The following ROR2 variants were observed in gnomAD, a reference collection of about 807,000 sequenced individuals.
ROR2 encodes the protein ROR family WNT receptor 2.
A neutral mutation model predicts 74.9 loss-of-function variants in ROR2; 33 were observed. That is an observed-to-expected ratio of 0.44 (90% CI 0.33 to 0.59). The LOEUF is 0.59. Ranked by LOEUF, ROR2 falls within the 20% of genes least tolerant of loss-of-function variation. The probability of loss-of-function intolerance (pLI) is 0.02; values close to 1 mark genes in which losing one functional copy is unlikely to be tolerated. For missense variants in ROR2, 1,216 were observed against 1,313.8 expected (o/e 0.93, Z 1.15); for synonymous variants, 586 against 558.7 (o/e 1.05, Z -0.69).
chr9:91,759,329 A>G (rs1163646752), intron 2 of ROR2, among the ~76,000 whole-genome samples: 1 of 152,158 alleles, frequency 6.6e-6, no homozygotes, highest in Non-Finnish European at 1.5e-5. Flanking sequence ...ACTTATAATT[A>G]TTATTAACAT....
At chr9:91,802,074 T>G (rs939218021) in intron 1 of ROR2, among the ~76,000 whole-genome samples, 2 of 140,230 alleles carry the variant, frequency 1.4e-5, no homozygotes, top group Non-Finnish European at 3.0e-5. Context: ...GGTGTTTTTT[T>G]TTTTTTTTTT....
At chr9:91,914,106 A>G (rs1412569511) in intron 1 of ROR2, among the ~76,000 whole-genome samples, 1 of 152,148 alleles carries the variant, frequency 6.6e-6, no homozygotes, top group East Asian at 1.9e-4. Context: ...ACCGCTGCCA[A>G]GTGCCAATGC....
chr9:91,816,334 T>C (rs887103046), intron 1 of ROR2, among the ~76,000 whole-genome samples: 21 of 152,094 alleles, frequency 1.4e-4, no homozygotes, highest in African/African-American at 4.8e-4. Flanking sequence ...CCAAGGCGTT[T>C]CCACCTACCT....
chr9:91,947,420 A>G (rs1048888205), intron 1 of ROR2, among the ~76,000 whole-genome samples: 5 of 152,242 alleles, frequency 3.3e-5, no homozygotes, highest in African/African-American at 1.2e-4. Flanking sequence ...TGTGCTTGGT[A>G]CACAGCCGTA....
intron 1 of ROR2, among the ~76,000 whole-genome samples, chr9:91,801,868 G>A (rs906368922): frequency 1.3e-4 from 20 of 152,174 alleles, no homozygotes; most frequent in Non-Finnish European, 2.4e-4. Context: ...GCATGAGCTT[G>A]GCAAGGCAGG....
At chr9:91,851,699 G>A (rs1205857834) in intron 1 of ROR2, among the ~76,000 whole-genome samples, 1 of 151,910 alleles carries the variant, frequency 6.6e-6, no homozygotes, top group Admixed American at 6.6e-5. Context: ...TTTTCTGGCC[G>A]GGCATGGTGG....
intron 1 of ROR2, among the ~76,000 whole-genome samples, chr9:91,839,930 T>C (rs1043022482): frequency 2.0e-5 from 3 of 152,156 alleles, no homozygotes; most frequent in Non-Finnish European, 2.9e-5. Context: ...TTTTCATAAA[T>C]GTGTTTCTTT....
intron 5 of ROR2, among the ~76,000 whole-genome samples, chr9:91,735,295 T>C (rs1052899573): frequency 2.6e-5 from 4 of 152,242 alleles, no homozygotes; most frequent in African/African-American, 7.2e-5. Context: ...GTCATTACTA[T>C]GCTTATTTCA....
intron 1 of ROR2, among the ~76,000 whole-genome samples, chr9:91,934,826 C>A (rs7038397): frequency 0.24 from 36,807 of 152,000 alleles, 4,726 homozygotes; most frequent in Non-Finnish European, 0.28. Context: ...ACTAATTAGA[C>A]GTAATTGTGT....
Position 91,848,764 on chromosome 9 carries a change from GAAAAA to G in ROR2, c.98-72951_98-72947del, listed in dbSNP as rs36044426. Among the ~76,000 whole-genome samples the G allele has an allele frequency of 1.2e-3, 123 of 103,732 alleles. 1 individual carries two copies. Among genetic ancestry groups the G allele is most frequent in the Admixed American group, 4.4e-3 (48 of 10,924 alleles). The allele number at this position is 103,732 out of a possible 152,430, so 68.1% of individuals were successfully genotyped here. On this transcript the variant is annotated intron_variant, in intron 1 of 8. Transcript: ENST00000375708. ...AGTGAGACTCCGTCTCAGGGGGGAAGAAAAAAAAAAAAAAAAAAAAAACAGTTGGA... is the reference window on the plus strand; with the variant it reads ...AGTGAGACTCCGTCTCAGGGGGGAAGAAAAAAAAAAAAAAAAACAGTTGGA...
chr9:91,943,110 G>A (rs1012365944), intron 1 of ROR2, among the ~76,000 whole-genome samples: 4 of 152,080 alleles, frequency 2.6e-5, no homozygotes, highest in Non-Finnish European at 5.9e-5. Flanking sequence ...ACTCCTTCAA[G>A]TTGGCCCCTG....
intron 4 of ROR2, among the ~76,000 whole-genome samples, chr9:91,738,824 C>G (rs1403777885): frequency 6.6e-6 from 1 of 152,230 alleles, no homozygotes; most frequent in Non-Finnish European, 1.5e-5. Flanking sequence ...CCTCCTGCTC[C>G]TCCCGGTCAG....
At chr9:91,906,755 G>A (rs1033192101) in intron 1 of ROR2, among the ~76,000 whole-genome samples, 2 of 152,054 alleles carry the variant, frequency 1.3e-5, no homozygotes, top group African/African-American at 4.8e-5. Context: ...AGTAGCTGGA[G>A]GGAGAACCTG....
At chr9:91,801,964 A>G (rs1339942330) in intron 1 of ROR2, among the ~76,000 whole-genome samples, 1 of 152,038 alleles carries the variant, frequency 6.6e-6, no homozygotes, top group Non-Finnish European at 1.5e-5. Flanking sequence ...GCCCCAGTGC[A>G]TCCTTGCAGG....
chr9:91,775,039 A>G (rs567714123), intron 2 of ROR2, among the ~76,000 whole-genome samples: 4 of 152,316 alleles, frequency 2.6e-5, no homozygotes, highest in Non-Finnish European at 4.4e-5. Flanking sequence ...GCTGCCTGCA[A>G]GCCAGGAGGA....
At chr9:91,739,001 A>G (rs1166731158) in intron 4 of ROR2, among the ~76,000 whole-genome samples, 1 of 152,250 alleles carries the variant, frequency 6.6e-6, no homozygotes. Context: ...CCAAAGGTCC[A>G]TTGACGCCAA....
rs1830112740 is a variant in ROR2, at chr9:91,881,562, CCTTTTTTG to C, written c.97+68297_97+68304del. 2.6e-5 allele frequency among the ~76,000 whole-genome samples: 4 copies of C among 152,278 alleles called. No homozygotes were observed. The South Asian group carries it at 8.3e-4, about 32-fold the overall frequency. The stretch of plus-strand genomic sequence containing the variant: ...TAAGTGAAGACTTACTGTTAGTACT[CCTTTTTTG>C]ATGGTGAGTTATCTCCAGCAGCATA... On this transcript the variant is annotated intron_variant, in intron 1 of 8. Coordinates refer to ENST00000375708, the MANE Select transcript of ROR2 (RefSeq NM_004560.4).
At chr9:91,882,508 C>T (rs539932949) in intron 1 of ROR2, among the ~76,000 whole-genome samples, 71 of 151,760 alleles carry the variant, frequency 4.7e-4, no homozygotes, top group Middle Eastern at 6.9e-3. Flanking sequence ...AGTGAAAATG[C>T]TGAACGAAAA....
chr9:91,890,461 G>A (rs913773903), intron 1 of ROR2, among the ~76,000 whole-genome samples: 3 of 152,184 alleles, frequency 2.0e-5, no homozygotes, highest in African/African-American at 4.8e-5. Flanking sequence ...TTTTCTTCTC[G>A]TAGACGCTGC....
Sources: gnomAD v4.1 joint callset for allele counts (sites outside exome capture counted in the v4.1 genomes callset) on GRCh38, gnomAD v4.1.1 for gene constraint, MANE v1.5 for transcripts, NCBI Gene and HGNC (gene_info 2026-07-23, HGNC 2026-07-21) for gene names.